Variants in TTC7A observed in about 807,000 individuals in gnomAD.
The protein encoded by TTC7A is tetratricopeptide repeat domain 7A.
TTC7A carries 110 observed loss-of-function variants against 103.7 expected under a neutral mutation model. That is an observed-to-expected ratio of 1.06 (90% confidence interval 0.91 to 1.24). The LOEUF (loss-of-function observed/expected upper bound fraction) is 1.24, where lower values mean the gene tolerates loss of function less well. Ranked by LOEUF, TTC7A falls within the 50% of genes most tolerant of loss-of-function variation. The pLI is 0.00. For missense variants in TTC7A, 1,340 were observed against 1,116.3 expected (o/e 1.20, Z -2.86); for synonymous variants, 521 against 467.9 (o/e 1.11, Z -1.47).
chr2:47,026,602 A>T (rs994005836), intron 14 of TTC7A, among the ~76,000 whole-genome samples: 2 of 152,230 alleles, frequency 1.3e-5, no homozygotes, highest in Non-Finnish European at 2.9e-5. Context: ...ACATGGAGTC[A>T]GTCACAGGAG....
Position 47,029,287 on chromosome 2 carries a change from C to T in TTC7A, c.1705C>T (p.Leu569Phe), listed in dbSNP as rs772552000. ...LKVRKDDAHA[L>F]HLLALLFSAQ... is the part of the protein sequence containing the mutation. Reference sequence around the variant, plus strand: ...GGTACGCAAGGATGATGCCCACGCCCTCCACCTGCTGGCACTGCTCTTCTC... The same window carrying T: ...GGTACGCAAGGATGATGCCCACGCCTTCCACCTGCTGGCACTGCTCTTCTC... The change falls in exon 15 of 20, where the codon CTC becomes TTC. Residue 569 changes from leucine to phenylalanine, a missense_variant. Coordinates refer to ENST00000319190, the MANE Select transcript of TTC7A (RefSeq NM_020458.4). 92 of 1,613,972 alleles carry T rather than the reference C, an allele frequency of 5.7e-5. No individual in the cohort carries two copies. Among genetic ancestry groups the T allele is most frequent in the Non-Finnish European group, 6.6e-5 (78 of 1,180,046 alleles).
rs780070407 is a variant in TTC7A, at chr2:47,073,869, G to A, written c.2523G>A (p.Glu841=). The A allele has an allele frequency of 6.2e-7, 1 of 1,613,624 alleles. No individual in the cohort carries two copies. The highest frequency in any genetic ancestry group is 1.7e-5 in the Admixed American group (1 of 60,032). ...TTGACTGCTTCCTCACCGCCCTTGA[G>A]CTGGAGGCCAGCAGCCCTGTACTGC... ...AAVDCFLTAL[E]LEASSPVLPF... is the part of the protein sequence containing the mutation. The change falls in exon 20 of 20, where the codon GAG becomes GAA. Residue 841 remains glutamate (E), a synonymous_variant. Transcript: ENST00000319190.
chr2:47,032,751 C>G (rs1350325550), intron 15 of TTC7A, among the ~76,000 whole-genome samples: 1 of 148,200 alleles, frequency 6.7e-6, no homozygotes, highest in African/African-American at 2.5e-5. Context: ...CCGAGGAGCT[C>G]TGTTTTGATC....
chr2:47,065,075 C>G (rs934324081), intron 19 of TTC7A, among the ~76,000 whole-genome samples: 1 of 152,162 alleles, frequency 6.6e-6, no homozygotes, highest in East Asian at 1.9e-4. Flanking sequence ...ATCACGAGGT[C>G]AGGAGATCGA....
chr2:47,073,114 C>T (rs756075626), intron 19 of TTC7A, among the ~76,000 whole-genome samples: 17 of 152,148 alleles, frequency 1.1e-4, no homozygotes, highest in East Asian at 1.9e-4. Context: ...GAGGAGCCAC[C>T]GCACACGCAC....
At chr2:47,006,526 G>GA in intron 9 of TTC7A, 115 bp from the exon 10 acceptor site, 2 of 881,572 alleles carry the variant, frequency 2.3e-6, no homozygotes, top group Non-Finnish European at 1.9e-6. Context: ...CCAAGTGCGG[G>GA]CCTCCTGCAG....
intron 3 of TTC7A, among the ~76,000 whole-genome samples, chr2:46,974,364 C>T (rs1053190860): frequency 7.2e-5 from 11 of 152,220 alleles, no homozygotes; most frequent in African/African-American, 1.9e-4. Context: ...GAGCTGGCAC[C>T]GTCACGGGCA....
chr2:46,974,796 C>A, intron 3 of TTC7A, 177 bp from the exon 4 acceptor site: 2 of 807,852 alleles, frequency 2.5e-6, no homozygotes, highest in Non-Finnish European at 4.0e-6. Flanking sequence ...TTACTCCCAG[C>A]CACTGCTAAC....
upstream of TTC7A, among the ~76,000 whole-genome samples, chr2:46,940,376 G>A (rs954548082): frequency 8.1e-4 from 123 of 152,108 alleles, 1 homozygote; most frequent in African/African-American, 3.0e-3. The surrounding 1 kb of genome is among the most constrained non-coding windows in gnomAD (Gnocchi z 4.7). Context: ...CTCCAGCACT[G>A]GTCTGTGAGC....
At chr2:47,036,114 G>A (rs1223672265) in intron 15 of TTC7A, among the ~76,000 whole-genome samples, 1 of 152,256 alleles carries the variant, frequency 6.6e-6, no homozygotes, top group Non-Finnish European at 1.5e-5. Context: ...CAAGGTAGCT[G>A]GAGGTAGCTG....
chr2:46,950,807 A>G (rs1671342458), intron 2 of TTC7A, among the ~76,000 whole-genome samples: 1 of 152,236 alleles, frequency 6.6e-6, no homozygotes, highest in South Asian at 2.1e-4. Context: ...TGTTGATTAC[A>G]TGTTCAGATG....
chr2:46,957,883 G>A (rs557812178), intron 3 of TTC7A, among the ~76,000 whole-genome samples: 60 of 152,328 alleles, frequency 3.9e-4, no homozygotes, highest in African/African-American at 1.4e-3. Flanking sequence ...CTGTGGCTCA[G>A]TGGGCATTTG....
In TTC7A at chr2:46,978,821, G is replaced by A. The variant is rs1674136002; in HGVS notation, c.678G>A (p.Leu226=). The A allele has an allele frequency of 6.2e-7, 1 of 1,613,926 alleles. No individual in the cohort carries two copies. Among genetic ancestry groups the A allele is most frequent in the Non-Finnish European group, 8.5e-7 (1 of 1,179,990 alleles). The change falls in exon 5 of 20, where the codon CTG becomes CTA. Residue 226 remains leucine (L), a synonymous_variant. Coordinates refer to ENST00000319190, the MANE Select transcript of TTC7A (RefSeq NM_020458.4). The part of the protein sequence containing the change: ...KTTNNSTSRH[L]KGCHPLDYEL... ...CAAATAACAGCACGTCGAGGCATCT[G>A]AAAGGCTGTCACCCGCTTGACTATG...
At chr2:46,946,281 C>A (rs1013440738) in intron 1 of TTC7A, among the ~76,000 whole-genome samples, 1 of 152,070 alleles carries the variant, frequency 6.6e-6, no homozygotes, top group African/African-American at 2.4e-5. Context: ...CTTAAATGCC[C>A]CTGGGTAGAG....
At chr2:46,962,962 G>T (rs932953083) in intron 3 of TTC7A, among the ~76,000 whole-genome samples, 1 of 152,236 alleles carries the variant, frequency 6.6e-6, no homozygotes, top group Non-Finnish European at 1.5e-5. Flanking sequence ...ATCTTCATGG[G>T]TGAGAACCTA....
At chr2:46,973,879 A>G (rs180755006) in intron 3 of TTC7A, among the ~76,000 whole-genome samples, 29 of 152,280 alleles carry the variant, frequency 1.9e-4, no homozygotes, top group Non-Finnish European at 3.7e-4. Context: ...GAGGCAGCAG[A>G]TGTCGTGCCA....
At chr2:46,949,813 C>T (rs757693234) in intron 1 of TTC7A, among the ~76,000 whole-genome samples, 18 of 152,044 alleles carry the variant, frequency 1.2e-4, no homozygotes, top group Non-Finnish European at 2.2e-4. Context: ...GTCACTTGAG[C>T]CTGGGAGTGC....
rs906523542 is a variant in TTC7A at position 46,941,695 on chromosome 2, C to G, written c.154C>G (p.Pro52Ala). The change falls in exon 1 of 20, where the codon CCG becomes GCG. Residue 52 changes from proline (P) to alanine (A), a missense_variant. Physicochemically the swap from Pro to Ala is conservative, Grantham distance 27. Coordinates refer to ENST00000319190, the MANE Select transcript of TTC7A (RefSeq NM_020458.4). The surrounding 1 kb of genome is among the most constrained non-coding windows in gnomAD (Gnocchi z 4.2). Reference sequence around the variant, plus strand: ...CGGCGGAGGTAACAGGCGAGGCAGCCCGAGCGCAGCGTTCACCTTTCCGGA... The same window carrying G: ...CGGCGGAGGTAACAGGCGAGGCAGCGCGAGCGCAGCGTTCACCTTTCCGGA... Reference protein sequence around the residue: ...PGGGGNRRGSPSAAFTFPDTD... With the variant: ...PGGGGNRRGSASAAFTFPDTD... 2.6e-5 allele frequency: 40 copies of G among 1,550,728 alleles called. No individual in the cohort carries two copies. The highest frequency in any genetic ancestry group is 3.3e-5 in the Non-Finnish European group (38 of 1,147,468).
rs563298989 is a variant in TTC7A at position 47,058,295 on chromosome 2, A to G, written c.2153-2474A>G. 1.2e-4 allele frequency among the ~76,000 whole-genome samples: 19 copies of G among 152,328 alleles called. No homozygotes were observed. The South Asian group carries it at 3.9e-3, about 32-fold the overall frequency. On this transcript the variant is annotated intron_variant, in intron 18 of 19. Transcript: ENST00000319190. ...CCTCCCAAGTTCTCATCTCCACTAG[A>G]GAAAAACCAGAGTCCTCTCACTCAG... is the stretch of plus-strand genomic sequence containing the variant.
Sources: gnomAD v4.1 joint callset for allele counts (sites outside exome capture counted in the v4.1 genomes callset) on GRCh38, gnomAD v4.1.1 for gene constraint, Gnocchi (gnomAD v3.1) non-coding constraint, MANE v1.5 for transcripts, NCBI Gene and HGNC (gene_info 2026-07-23, HGNC 2026-07-21) for gene names.